SETX: variants seen among roughly 807,000 people sequenced by gnomAD.
SETX encodes the protein helicase senataxin.
A neutral mutation model predicts 227.2 loss-of-function variants in SETX; 90 were observed. The observed-to-expected ratio is 0.40, with a 90% CI of 0.33 to 0.47. SETX has a LOEUF of 0.47. SETX is among the 20% of genes least tolerant of loss of function. The probability of loss-of-function intolerance (pLI) is 0.91; values close to 1 mark genes in which losing one functional copy is unlikely to be tolerated. For synonymous variants in SETX, 1,210 were observed against 1,113.2 expected (o/e 1.09, Z -1.73); for missense variants, 3,052 against 3,181.5 (o/e 0.96, Z 0.98).
chr9:132,306,998 T>TA (rs769619128), intron 11 of SETX, among the ~76,000 whole-genome samples: 3 of 152,248 alleles, frequency 2.0e-5, no homozygotes, highest in Non-Finnish European at 2.9e-5. Flanking sequence ...CTCACGCCTG[T>TA]AATCCCTGCA....
chr9:132,351,299 TTAAG>T, intron 2 of SETX, among the ~76,000 whole-genome samples: 1 of 152,338 alleles, frequency 6.6e-6, no homozygotes, highest in South Asian at 2.1e-4. Context: ...TTTAAAAAAC[TTAAG>T]TGAGACTACC....
At chr9:132,333,101 G>A (rs201314860) in intron 7 of SETX, among the ~76,000 whole-genome samples, 32 of 151,548 alleles carry the variant, frequency 2.1e-4, no homozygotes, top group Non-Finnish European at 4.3e-4. Flanking sequence ...GCCAAAGGCC[G>A]GGCGTGGTGG....
In SETX at chr9:132,334,724, A is replaced by G; in HGVS notation, c.722T>C (p.Ile241Thr). Residue 241 changes from isoleucine to threonine, a missense_variant, in exon 7 of 26, where the codon ATT (isoleucine) becomes ACT (threonine). By Grantham distance (89) the Ile-to-Thr change is moderately conservative. Around this residue, in one of 10 missense-constraint regions of SETX, gnomAD observed 239 missense variants for 240.8 expected, o/e 0.99. Coordinates refer to ENST00000224140, the MANE Select transcript of SETX (RefSeq NM_015046.7). ...TTNYKSYWLG[I>T]CMLLTILEEQ... The stretch of plus-strand genomic sequence containing the variant: ...CTCAAGAATGGTCAGCAACATGCAA[A>G]TACCTGTAAGATCATTTAGAGTTAT... The G allele has an allele frequency of 6.2e-7, 1 of 1,614,108 alleles. No individual in the cohort carries two copies.
chr9:132,332,144 G>T (rs1274768725), intron 7 of SETX, among the ~76,000 whole-genome samples: 2 of 152,150 alleles, frequency 1.3e-5, no homozygotes, highest in Non-Finnish European at 2.9e-5. Context: ...TGTCTTCCAA[G>T]AAAATTCAAA....
chr9:132,281,678 C>T (rs1319199066), intron 19 of SETX, 104 bp from the exon 20 acceptor site: 1 of 805,964 alleles, frequency 1.2e-6, no homozygotes, highest in Non-Finnish European at 2.1e-6. Context: ...TATCACACTT[C>T]TCCTGCACCA....
intron 6 of SETX, among the ~76,000 whole-genome samples, chr9:132,335,967 C>A (rs964176525): frequency 2.6e-5 from 4 of 152,144 alleles, no homozygotes; most frequent in Non-Finnish European, 5.9e-5. Context: ...CAGGGCCGGG[C>A]GCGGTAGCTC....
In SETX at chr9:132,333,416, TACACACACACACACACAC is replaced by T. The variant is rs764524464; in HGVS notation, c.838+1174_838+1191del. Among the ~76,000 whole-genome samples, 3 of 88,072 alleles carry T rather than the reference TACACACACACACACACAC, an allele frequency of 3.4e-5. 1 individual carries two copies. Among genetic ancestry groups the T allele is most frequent in the African/African-American group, 1.6e-4 (3 of 19,308 alleles). The allele number at this position is 88,072 out of a possible 152,430, so 57.8% of individuals were successfully genotyped here. ...AAAAAAAGAAAAAAAAAAATATATA[TACACACACACACACACAC>T]ACACACACACACACACACACACACG... On this transcript the variant is annotated intron_variant, in intron 7 of 25. Coordinates refer to ENST00000224140, the MANE Select transcript of SETX (RefSeq NM_015046.7).
intron 21 of SETX, 38 bp downstream of exon 21, chr9:132,278,032 A>G (rs1178800630): frequency 8.2e-6 from 13 of 1,580,616 alleles, no homozygotes; most frequent in Non-Finnish European, 1.0e-5. Context: ...TAGCTAAACT[A>G]CAACAAAATA....
Position 132,288,237 on chromosome 9 carries a change from T to C in SETX, c.6323A>G (p.Gln2108Arg), listed in dbSNP as rs768736392. 1 of 1,612,398 alleles carries C rather than the reference T, an allele frequency of 6.2e-7. No homozygotes were observed. The highest frequency in any genetic ancestry group is 8.5e-7 in the Non-Finnish European group (1 of 1,178,428). ...RALCRGGREI[Q>R]RQELDENISK... is the part of the protein sequence containing the mutation. The stretch of plus-strand genomic sequence containing the variant: ...ATTATTCAAGAAATGCAAAGATACC[T>C]GTATTTCCCGTCCACCTCGGCATAG... Residue 2108 changes from glutamine to arginine, a missense_variant and splice_region_variant, in exon 17 of 26, where the codon CAG becomes CGG. Transcript: ENST00000224140.
At chr9:132,345,925 A>C (rs1277537517) in intron 4 of SETX, among the ~76,000 whole-genome samples, 1 of 152,166 alleles carries the variant, frequency 6.6e-6, no homozygotes, top group Non-Finnish European at 1.5e-5. Flanking sequence ...AGGCTCAGGC[A>C]GGAGTATTAC....
At chr9:132,334,540 A>C in intron 7 of SETX, 68 bp downstream of exon 7, 1 of 1,544,666 alleles carries the variant, frequency 6.5e-7, no homozygotes, top group Non-Finnish European at 8.9e-7. Context: ...TCCTGCAGTG[A>C]CACTATCATT....
intron 11 of SETX, among the ~76,000 whole-genome samples, chr9:132,310,677 T>C (rs73659203): frequency 0.018 from 2,751 of 152,286 alleles, 31 homozygotes; most frequent in Middle Eastern, 0.031. Flanking sequence ...TTTGTGGCTA[T>C]TGCATCTCAA....
rs756290679 is a variant in SETX at position 132,327,924 on chromosome 9, T to G, written c.3674A>C (p.Lys1225Thr). Residue 1225 changes from lysine (K) to threonine (T), a missense_variant, in exon 10 of 26, where the codon AAG becomes ACG. This residue lies in a region of SETX where 1,483 missense variants were observed against 1,312.0 expected (regional missense o/e 1.13). Transcript: ENST00000224140. ...GATGGGTTCTGTACAAGTACAAAGCTTTGAAGACTTCTTTTGTGAAACCGT... is the reference window on the plus strand; with the variant it reads ...GATGGGTTCTGTACAAGTACAAAGCGTTGAAGACTTCTTTTGTGAAACCGT... ...ATTVSQKKSS[K>T]LCTCTEPIRK... The G allele has an allele frequency of 6.2e-7, 1 of 1,614,154 alleles. No individual in the cohort carries two copies.
chr9:132,355,029 G>T (rs1051959925), upstream of SETX: 1 of 152,284 alleles, frequency 6.6e-6, no homozygotes, highest in Non-Finnish European at 1.5e-5. Flanking sequence ...TTGCCGCGAG[G>T]TAGGCCCCGC....
In SETX at chr9:132,334,653, C is replaced by T. The variant is rs1207196073; in HGVS notation, c.793G>A (p.Asp265Asn). 6.2e-7 allele frequency: 1 copy of T among 1,614,080 alleles called. No individual in the cohort carries two copies. Among genetic ancestry groups the T allele is most frequent in the Non-Finnish European group, 8.5e-7 (1 of 1,179,974 alleles). ...SLLLGSDKQN[D>N]FMQSILHTME... ...GTGTGAAGTATCGATTGCATAAAAT[C>T]ATTTTGTTTGTCTGAGCCCAACAAC... The change falls in exon 7 of 26, where the codon GAT becomes AAT. Residue 265 changes from aspartate to asparagine, a missense_variant. Coordinates refer to ENST00000224140, the MANE Select transcript of SETX (RefSeq NM_015046.7).
chr9:132,345,730 T>C (rs911281337), intron 4 of SETX, among the ~76,000 whole-genome samples: 35 of 152,222 alleles, frequency 2.3e-4, no homozygotes, highest in African/African-American at 8.2e-4. Flanking sequence ...CAATAAAATG[T>C]TGAGAGCCAG....
At chr9:132,350,033 A>G (rs1485727427) in intron 2 of SETX, among the ~76,000 whole-genome samples, 1 of 152,212 alleles carries the variant, frequency 6.6e-6, no homozygotes. Context: ...CTCTCCACTC[A>G]GGGAGAAAGG....
rs140005245 is a variant in SETX, at chr9:132,283,388, T to C, written c.6422A>G (p.Gln2141Arg). ...KEVQGRPQKTQSIIILESHII... is the reference protein window; with the variant it reads ...KEVQGRPQKTRSIIILESHII... ...ATGGGACTCTAAGATGATGATACTC[T>C]GTGTTTTCTGTGGGCGTCCTTGAAC... The change falls in exon 19 of 26, where the codon CAG becomes CGG. Residue 2141 changes from glutamine (Q) to arginine (R), a missense_variant. Gln to Arg is a conservative substitution (Grantham distance 43). Coordinates refer to ENST00000224140, the MANE Select transcript of SETX (RefSeq NM_015046.7). The C allele has an allele frequency of 1.2e-5, 20 of 1,614,216 alleles. No homozygotes were observed. In the East Asian group the frequency reaches 3.8e-4, roughly 31 times the overall value.
At position 132,327,921 on chromosome 9, in the gene SETX, A is replaced by T; in HGVS notation, c.3677T>A (p.Leu1226His). 6.2e-7 allele frequency: 1 copy of T among 1,614,170 alleles called. No homozygotes were observed. Among genetic ancestry groups the T allele is most frequent in the Non-Finnish European group, 8.5e-7 (1 of 1,180,034 alleles). ...TTVSQKKSSK[L>H]CTCTEPIRKV... Reference sequence around the variant, plus strand: ...CCTGATGGGTTCTGTACAAGTACAAAGCTTTGAAGACTTCTTTTGTGAAAC... The same window carrying T: ...CCTGATGGGTTCTGTACAAGTACAATGCTTTGAAGACTTCTTTTGTGAAAC... Residue 1226 changes from leucine (L) to histidine (H), a missense_variant, in exon 10 of 26, where the codon CTT (leucine) becomes CAT (histidine). Leu to His is a moderately conservative substitution (Grantham distance 99). Around this residue, in one of 10 missense-constraint regions of SETX, gnomAD observed 1,483 missense variants for 1,312.0 expected, o/e 1.13. Coordinates refer to ENST00000224140, the MANE Select transcript of SETX (RefSeq NM_015046.7).
Sources: gnomAD v4.1 joint callset for allele counts (sites outside exome capture counted in the v4.1 genomes callset) on GRCh38, gnomAD v4.1.1 for gene constraint, gnomAD v4.1.1 regional missense constraint, MANE v1.5 for transcripts, NCBI Gene and HGNC (gene_info 2026-07-23, HGNC 2026-07-21) for gene names.